The following FBXW8 variants were observed in gnomAD, a reference collection of about 807,000 sequenced individuals.
The protein encoded by FBXW8 is F-box and WD repeat domain containing 8.
Under a neutral mutation model 65.3 loss-of-function variants are expected in FBXW8, and 57 were observed. That is an observed-to-expected ratio of 0.87 (90% CI 0.71 to 1.09). FBXW8 has a LOEUF of 1.09. FBXW8 is among the 50% of genes least tolerant of loss of function. The pLI is 0.00. For synonymous variants in FBXW8, 308 were observed against 330.2 expected (o/e 0.93, Z 0.73); for missense variants, 777 against 814.8 (o/e 0.95, Z 0.57).
chr12:116,926,705 C>T (rs1025208854), intron 1 of FBXW8, among the ~76,000 whole-genome samples: 6 of 152,068 alleles, frequency 3.9e-5, no homozygotes, highest in Non-Finnish European at 8.8e-5. Context: ...TGTTCCTTCT[C>T]TTTGCCCACA....
At chr12:116,994,582 C>A (rs1049986096) in intron 7 of FBXW8, among the ~76,000 whole-genome samples, 2 of 152,152 alleles carry the variant, frequency 1.3e-5, no homozygotes, top group Non-Finnish European at 2.9e-5. Flanking sequence ...ATCAAATTAC[C>A]ATATGTGGTC....
chr12:117,027,982 C>A (rs1356644318), intron 10 of FBXW8, 46 bp from the exon 11 acceptor site: 1 of 1,609,188 alleles, frequency 6.2e-7, no homozygotes, highest in Non-Finnish European at 8.5e-7. Flanking sequence ...GGGGTGAGGG[C>A]CAGCGAGGCA....
chr12:117,025,329 A>G (rs1040557413), intron 9 of FBXW8, among the ~76,000 whole-genome samples: 1 of 152,210 alleles, frequency 6.6e-6, no homozygotes, highest in African/African-American at 2.4e-5. Flanking sequence ...ATGAAACCCC[A>G]TCTCTACAAA....
At chr12:117,006,446 T>C (rs1015906087) in intron 7 of FBXW8, among the ~76,000 whole-genome samples, 4 of 152,210 alleles carry the variant, frequency 2.6e-5, no homozygotes, top group African/African-American at 9.6e-5. Context: ...ATCTCTCAGC[T>C]CTTTCCTTCA....
intron 8 of FBXW8, among the ~76,000 whole-genome samples, chr12:117,017,006 C>T (rs149079220): frequency 9.5e-4 from 145 of 152,298 alleles, no homozygotes; most frequent in African/African-American, 3.4e-3. Context: ...TGTGTTCTGG[C>T]ACTACCACGC....
At chr12:116,996,692 G>A (rs1254268211) in intron 7 of FBXW8, among the ~76,000 whole-genome samples, 2 of 152,114 alleles carry the variant, frequency 1.3e-5, no homozygotes, top group African/African-American at 4.8e-5. Flanking sequence ...GCTTCCTGGA[G>A]AAGTGTAGAC....
At chr12:117,023,271 G>A (rs1035644555) in intron 8 of FBXW8, among the ~76,000 whole-genome samples, 5 of 152,138 alleles carry the variant, frequency 3.3e-5, no homozygotes, top group African/African-American at 1.2e-4. Flanking sequence ...TTACATCCTT[G>A]TGCTTGTCCT....
At chr12:116,969,236 G>T (rs1021421013) in intron 5 of FBXW8, among the ~76,000 whole-genome samples, 6 of 152,298 alleles carry the variant, frequency 3.9e-5, no homozygotes, top group Admixed American at 1.3e-4. Context: ...TTCGTTTCAA[G>T]TTCATTTTGG....
chr12:116,918,220 C>T (rs367685714), intron 1 of FBXW8, among the ~76,000 whole-genome samples: 1 of 152,274 alleles, frequency 6.6e-6, no homozygotes, highest in African/African-American at 2.4e-5. Flanking sequence ...CTCTTCTCCT[C>T]TGTTCATAAA....
chr12:116,956,930 T>TG (rs1341379219), intron 4 of FBXW8, among the ~76,000 whole-genome samples: 1 of 152,156 alleles, frequency 6.6e-6, no homozygotes, highest in African/African-American at 2.4e-5. Flanking sequence ...GTCATGCCAC[T>TG]GCTCCCCAGC....
intron 1 of FBXW8, among the ~76,000 whole-genome samples, chr12:116,926,740 T>C (rs1398024119): frequency 2.0e-5 from 3 of 152,202 alleles, no homozygotes; most frequent in African/African-American, 7.2e-5. Flanking sequence ...CTTACTCTTT[T>C]TTTCCTCCAG....
At chr12:116,919,954 G>GT (rs1880754595) in intron 1 of FBXW8, among the ~76,000 whole-genome samples, 2 of 152,302 alleles carry the variant, frequency 1.3e-5, no homozygotes, top group African/African-American at 4.8e-5. Context: ...ACACAAATAA[G>GT]TAAGCTCCCT....
intron 7 of FBXW8, among the ~76,000 whole-genome samples, chr12:117,001,371 T>C (rs1249388999): frequency 6.6e-6 from 1 of 152,162 alleles, no homozygotes; most frequent in African/African-American, 2.4e-5. Context: ...CTAGAAGCTT[T>C]TGTCCAGTCT....
chr12:116,994,956 TG>T (rs1953341595), intron 7 of FBXW8, among the ~76,000 whole-genome samples: 1 of 152,214 alleles, frequency 6.6e-6, no homozygotes, highest in Non-Finnish European at 1.5e-5. Context: ...CCTTGGGCAG[TG>T]GTGGATGGCA....
rs925719730 is a variant in FBXW8, at chr12:117,030,265, C to T, written c.*2093C>T. The stretch of plus-strand genomic sequence containing the variant: ...GGAAGCGTCACCTTCCCGTCCAGAG[C>T]GCTTTCTTTCAGACCCTGCCTACCT... On this transcript the variant is annotated 3_prime_UTR_variant, in exon 11 of 11. Transcript: ENST00000652555. 1 of 152,198 alleles carries T rather than the reference C, an allele frequency of 6.6e-6. No individual in the cohort carries two copies. Among genetic ancestry groups the T allele is most frequent in the Non-Finnish European group, 1.5e-5 (1 of 68,028 alleles). The allele number at this position is 152,198 out of a possible 1,614,324, so 9.4% of individuals were successfully genotyped here. A position where few individuals can be genotyped will look rare whatever the true frequency, so the allele number is the denominator to read the frequency against.
chr12:116,942,663 T>G (rs1422667680), intron 2 of FBXW8, among the ~76,000 whole-genome samples: 1 of 152,018 alleles, frequency 6.6e-6, no homozygotes, highest in African/African-American at 2.4e-5. Flanking sequence ...CGTGAGCCAC[T>G]GCGCCTGGCC....
intron 8 of FBXW8, among the ~76,000 whole-genome samples, chr12:117,016,790 T>TCAG (rs1953959798): frequency 6.6e-6 from 1 of 152,224 alleles, no homozygotes; most frequent in African/African-American, 2.4e-5. Context: ...TGTGATCCAT[T>TCAG]TGGAGTTAAT....
At chr12:117,025,598 A>G (rs1954207342) in intron 9 of FBXW8, among the ~76,000 whole-genome samples, 1 of 152,148 alleles carries the variant, frequency 6.6e-6, no homozygotes, top group Non-Finnish European at 1.5e-5. Context: ...GTTGGCAAAC[A>G]CTGTGGCCGG....
At chr12:116,925,538 T>G (rs1295486492) in intron 1 of FBXW8, among the ~76,000 whole-genome samples, 1 of 152,220 alleles carries the variant, frequency 6.6e-6, no homozygotes, top group Non-Finnish European at 1.5e-5. Context: ...GTTTCTTTTT[T>G]TTCCCTGCCA....
Sources: allele counts gnomAD v4.1 joint callset (sites outside exome capture counted in the v4.1 genomes callset), GRCh38; gene constraint gnomAD v4.1.1; transcripts MANE v1.5; gene names NCBI Gene and HGNC (gene_info 2026-07-23, HGNC 2026-07-21).